The following EEF2K variants were observed in gnomAD, a reference collection of about 807,000 sequenced individuals.
EEF2K encodes alternative protein EEF2K.
Under a neutral mutation model 93.8 loss-of-function variants are expected in EEF2K, and 70 were observed. The observed-to-expected ratio is 0.75, with a 90% CI of 0.62 to 0.91. The LOEUF (loss-of-function observed/expected upper bound fraction) is 0.91, where lower values mean the gene tolerates loss of function less well. Ranked by LOEUF, EEF2K falls within the 40% of genes least tolerant of loss-of-function variation. The pLI, the probability that EEF2K is intolerant of heterozygous loss-of-function variation, is 0.00. For synonymous variants in EEF2K, 376 were observed against 380.8 expected, an observed-to-expected ratio of 0.99 and a Z score of 0.15; for missense variants, 935 against 972.9, an observed-to-expected ratio of 0.96 and a Z score of 0.52.
chr16:22,265,913 G>A (rs1275205352), intron 13 of EEF2K, among the ~76,000 whole-genome samples: 1 of 152,160 alleles, frequency 6.6e-6, no homozygotes, highest in African/African-American at 2.4e-5. Context: ...CCTTATATGG[G>A]GAGCTGGCGA....
chr16:22,234,097 C>G (rs144173818), intron 2 of EEF2K, among the ~76,000 whole-genome samples: 5 of 152,328 alleles, frequency 3.3e-5, no homozygotes, highest in Admixed American at 1.3e-4. Flanking sequence ...GGACCCCCCC[C>G]AGAGGTGAAC....
At chr16:22,271,904 T>C (rs2047586067) in intron 15 of EEF2K, among the ~76,000 whole-genome samples, 1 of 152,180 alleles carries the variant, frequency 6.6e-6, no homozygotes, top group Admixed American at 6.6e-5. Flanking sequence ...AACAAAGACC[T>C]ATGTTAGAAC....
chr16:22,281,229 C>T (rs2047690194), intron 17 of EEF2K, among the ~76,000 whole-genome samples: 1 of 152,040 alleles, frequency 6.6e-6, no homozygotes, highest in African/African-American at 2.4e-5. Flanking sequence ...GCCTGGCCTC[C>T]TTTCCTTTTC....
chr16:22,208,854 A>G (rs989195207), intron 1 of EEF2K, among the ~76,000 whole-genome samples: 2 of 151,976 alleles, frequency 1.3e-5, no homozygotes, highest in Non-Finnish European at 2.9e-5. Flanking sequence ...CCCTGGATGA[A>G]TTTTCCTAGG....
At chr16:22,251,461 C>A in intron 6 of EEF2K, 139 bp downstream of exon 6, 4 of 1,174,034 alleles carry the variant, frequency 3.4e-6, no homozygotes, top group Middle Eastern at 3.0e-4. Flanking sequence ...TCACCCACCA[C>A]CAAGGCTGGA....
intron 6 of EEF2K, among the ~76,000 whole-genome samples, chr16:22,255,379 TC>T (rs2047389179): frequency 2.0e-5 from 3 of 152,188 alleles, no homozygotes; most frequent in African/African-American, 7.2e-5. Context: ...GAGAACTCGT[TC>T]CTTTGGTCTT....
chr16:22,250,233 C>T (rs575706600), intron 4 of EEF2K, among the ~76,000 whole-genome samples: 17 of 152,282 alleles, frequency 1.1e-4, no homozygotes, highest in Admixed American at 2.6e-4. Flanking sequence ...TTTTGGTCAA[C>T]ATTTTGCATT....
At chr16:22,283,777 GTTC>G (rs1767861091) in intron 17 of EEF2K, 107 bp from the exon 18 acceptor site, 1 of 1,062,476 alleles carries the variant, frequency 9.4e-7, no homozygotes, top group South Asian at 1.4e-5. Flanking sequence ...AGTAGTTTGA[GTTC>G]TTAAGGAAAC....
intron 1 of EEF2K, 62 bp from the exon 2 acceptor site, chr16:22,225,592 G>T (rs2047054394): frequency 3.0e-6 from 4 of 1,337,426 alleles, no homozygotes; most frequent in Non-Finnish European, 4.0e-6. Flanking sequence ...TGGGGTGAGG[G>T]TCGGGCGAAT....
intron 16 of EEF2K, among the ~76,000 whole-genome samples, chr16:22,275,606 G>C (rs1485416392): frequency 6.6e-6 from 1 of 151,720 alleles, no homozygotes; most frequent in Non-Finnish European, 1.5e-5. Flanking sequence ...GCCTCCCAAA[G>C]TGCTGGAATT....
At chr16:22,207,862 G>T (rs909287926) in intron 1 of EEF2K, among the ~76,000 whole-genome samples, 2 of 152,178 alleles carry the variant, frequency 1.3e-5, no homozygotes, top group Non-Finnish European at 2.9e-5. Flanking sequence ...GTAAAGGGGA[G>T]AGGGTTATGG....
In EEF2K at chr16:22,245,553, C is replaced by T. The variant is rs116486890; in HGVS notation, c.347+823C>T. 5.7e-3 allele frequency among the ~76,000 whole-genome samples: 859 copies of T among 151,988 alleles called. 5 individuals are homozygous for T. The highest frequency in any genetic ancestry group is 0.02 in the African/African-American group (818 of 41,444). On this transcript the variant is annotated intron_variant, in intron 3 of 17. Transcript: ENST00000263026. Reference sequence around the variant, plus strand: ...GGGTGGGGTGTTCTGGAGTCTGCCCCGGCTGAGAGGTGCGCTAAGGGAAAC... The same window carrying T: ...GGGTGGGGTGTTCTGGAGTCTGCCCTGGCTGAGAGGTGCGCTAAGGGAAAC...
At chr16:22,227,063 G>T (rs2047072274) in intron 2 of EEF2K, among the ~76,000 whole-genome samples, 1 of 152,118 alleles carries the variant, frequency 6.6e-6, no homozygotes, top group African/African-American at 2.4e-5. Flanking sequence ...GCCGGGTGTG[G>T]TGGCGCACAC....
intron 1 of EEF2K, among the ~76,000 whole-genome samples, chr16:22,209,736 A>C (rs2046897226): frequency 6.6e-6 from 1 of 152,184 alleles, no homozygotes; most frequent in African/African-American, 2.4e-5. Context: ...TGGGCCTTAA[A>C]GTGTTGCTGG....
chr16:22,280,058 G>C lies in EEF2K; in HGVS notation c.1890-140G>C, dbSNP rs2047677364. The stretch of plus-strand genomic sequence containing the variant: ...TATGAAGGTGCCTCATAGATGTATT[G>C]GCCTTGGACAAGATAGGTCGTGAAC... On this transcript the variant is annotated intron_variant, in intron 16 of 17. Transcript: ENST00000263026. 9 of 668,050 alleles carry C rather than the reference G, an allele frequency of 1.3e-5. No homozygotes were observed. The Admixed American group carries it at 2.9e-4, about 22-fold the overall frequency. The allele number at this position is 668,050 out of a possible 1,614,324, so 41.4% of individuals were successfully genotyped here. A position where few individuals can be genotyped will look rare whatever the true frequency, so the allele number is the denominator to read the frequency against.
chr16:22,234,877 CTTT>C (rs1173052779), intron 2 of EEF2K, among the ~76,000 whole-genome samples: 7 of 90,620 alleles, frequency 7.7e-5, no homozygotes, highest in Non-Finnish European at 1.5e-4. Flanking sequence ...TTTTTTGTTG[CTTT>C]TTTTTTTTTT....
rs371106000 is a variant in EEF2K, at chr16:22,279,716, C to T, written c.1890-482C>T. On this transcript the variant is annotated intron_variant, in intron 16 of 17. Coordinates refer to ENST00000263026, the MANE Select transcript of EEF2K (RefSeq NM_013302.5). ...AACTGCTCTCTTAATAAATATTGGC[C>T]GAGCACAGTGGCTCATGCCTGTAAT... 9.2e-5 allele frequency among the ~76,000 whole-genome samples: 14 copies of T among 152,042 alleles called. No homozygotes were observed. The East Asian group carries it at 1.7e-3, about 19-fold the overall frequency.
intron 1 of EEF2K, among the ~76,000 whole-genome samples, chr16:22,225,422 G>A (rs987708108): frequency 6.6e-6 from 1 of 152,188 alleles, no homozygotes; most frequent in African/African-American, 2.4e-5. Context: ...TCCCAACCTG[G>A]TTCCAACATT....
chr16:22,217,118 G>A (rs1465716351), intron 1 of EEF2K, among the ~76,000 whole-genome samples: 3 of 142,040 alleles, frequency 2.1e-5, no homozygotes, highest in East Asian at 2.1e-4. Context: ...CCAAGATTGC[G>A]CCACTGGACT....
Sources: gnomAD v4.1 joint callset for allele counts (sites outside exome capture counted in the v4.1 genomes callset) on GRCh38, gnomAD v4.1.1 for gene constraint, MANE v1.5 for transcripts, NCBI Gene and HGNC (gene_info 2026-07-23, HGNC 2026-07-21) for gene names.